The following RUNX2 variants were observed in gnomAD, a reference collection of about 807,000 sequenced individuals.
RUNX2 encodes the protein runt-related transcription factor 2.
In RUNX2, 10 loss-of-function variants were observed where a neutral mutation model predicts 51.7. The ratio of observed to expected loss-of-function variants is 0.19; its 90% CI spans 0.12 to 0.33. The LOEUF (loss-of-function observed/expected upper bound fraction) is 0.33, where lower values mean the gene tolerates loss of function less well. Ranked by LOEUF, RUNX2 falls within the 10% of genes least tolerant of loss-of-function variation. The pLI is 1.00. For missense variants in RUNX2, 562 were observed against 691.3 expected, an observed-to-expected ratio of 0.81 and a Z score of 2.10; for synonymous variants, 276 against 273.6, an observed-to-expected ratio of 1.01 and a Z score of -0.09.
At chr6:45,409,501 G>A (rs1240750598) in intron 2 of RUNX2, among the ~76,000 whole-genome samples, 1 of 152,056 alleles carries the variant, frequency 6.6e-6, no homozygotes, top group African/African-American at 2.4e-5. Flanking sequence ...AATTTTCTAT[G>A]TATATCTAGG....
chr6:45,336,311 T>G (rs780061348), intron 2 of RUNX2, among the ~76,000 whole-genome samples: 2 of 151,402 alleles, frequency 1.3e-5, no homozygotes, highest in Non-Finnish European at 3.0e-5. Flanking sequence ...ACAATATCCC[T>G]CCCTTATAAC....
intron 2 of RUNX2, chr6:45,361,689 G>C (rs1275184312): frequency 6.6e-6 from 1 of 152,172 alleles, no homozygotes; most frequent in Non-Finnish European, 1.5e-5. Flanking sequence ...TATGCACTAG[G>C]TAAGGCACAA....
intron 2 of RUNX2, among the ~76,000 whole-genome samples, chr6:45,344,114 G>C (rs990932461): frequency 6.6e-6 from 1 of 152,130 alleles, no homozygotes; most frequent in Non-Finnish European, 1.5e-5. Flanking sequence ...CTTTTATTCG[G>C]AGAGATAAAA....
intron 2 of RUNX2, among the ~76,000 whole-genome samples, chr6:45,343,232 G>A (rs932497113): frequency 6.6e-5 from 10 of 151,960 alleles, no homozygotes; most frequent in Admixed American, 5.9e-4. Flanking sequence ...AATCTCAGCC[G>A]GGTGCAGTGG....
At chr6:45,388,508 G>A (rs533401585) in intron 2 of RUNX2, among the ~76,000 whole-genome samples, 52 of 152,264 alleles carry the variant, frequency 3.4e-4, no homozygotes, top group Admixed American at 1.6e-3. Flanking sequence ...TCTGGGGGGC[G>A]GAGTTCAGCA....
intron 2 of RUNX2, among the ~76,000 whole-genome samples, chr6:45,388,718 T>C (rs1797411214): frequency 6.6e-6 from 1 of 152,200 alleles, no homozygotes; most frequent in African/African-American, 2.4e-5. Flanking sequence ...ACAATATTGT[T>C]AAGGACTTTT....
chr6:45,501,099 T>A (rs1464317830), intron 6 of RUNX2, among the ~76,000 whole-genome samples: 1 of 152,222 alleles, frequency 6.6e-6, no homozygotes, highest in Non-Finnish European at 1.5e-5. Context: ...CAGCTATTCC[T>A]CATGTGACCG....
At chr6:45,544,346 G>A (rs1802323468) in intron 7 of RUNX2, among the ~76,000 whole-genome samples, 1 of 152,114 alleles carries the variant, frequency 6.6e-6, no homozygotes, top group Non-Finnish European at 1.5e-5. Context: ...AAAAACATCA[G>A]CAAAATGTAT....
At chr6:45,386,213 A>C (rs1456289041) in intron 2 of RUNX2, among the ~76,000 whole-genome samples, 1 of 151,914 alleles carries the variant, frequency 6.6e-6, no homozygotes, top group Non-Finnish European at 1.5e-5. Context: ...GATTATAGGC[A>C]TATGCCACCA....
chr6:45,485,390 CG>C (rs1435168991), intron 5 of RUNX2, among the ~76,000 whole-genome samples: 1 of 151,306 alleles, frequency 6.6e-6, no homozygotes. Context: ...TTAGTAGAAA[CG>C]GGGTTTCTCA....
At chr6:45,398,586 A>G (rs1283739879) in intron 2 of RUNX2, among the ~76,000 whole-genome samples, 5 of 152,210 alleles carry the variant, frequency 3.3e-5, no homozygotes, top group Non-Finnish European at 7.3e-5. Flanking sequence ...CTTGACCACA[A>G]TCTGGCATCA....
chr6:45,410,795 T>G (rs1797934922), intron 2 of RUNX2, among the ~76,000 whole-genome samples: 1 of 152,222 alleles, frequency 6.6e-6, no homozygotes, highest in African/African-American at 2.4e-5. Context: ...CTTGTCTTTC[T>G]TTTCACCTGA....
chr6:45,386,137 G>A (rs1481434778), intron 2 of RUNX2, among the ~76,000 whole-genome samples: 2 of 148,274 alleles, frequency 1.3e-5, no homozygotes, highest in African/African-American at 5.0e-5. Context: ...GAACAATCTC[G>A]GCTCACTGCA....
chr6:45,363,897 CTT>C (rs1794688638), intron 2 of RUNX2, among the ~76,000 whole-genome samples: 1 of 151,744 alleles, frequency 6.6e-6, no homozygotes, highest in South Asian at 2.1e-4. Flanking sequence ...GCATAAATTT[CTT>C]TCTTTTTAAA....
intron 5 of RUNX2, among the ~76,000 whole-genome samples, chr6:45,488,763 G>A (rs1378833764): frequency 2.0e-5 from 3 of 152,152 alleles, no homozygotes; most frequent in African/African-American, 4.8e-5. Context: ...TTTACATAGA[G>A]TCTCAAGTAT....
At chr6:45,354,165 T>C (rs566337336) in intron 2 of RUNX2, among the ~76,000 whole-genome samples, 1 of 152,282 alleles carries the variant, frequency 6.6e-6, no homozygotes, top group African/African-American at 2.4e-5. Flanking sequence ...AATTCCTCTA[T>C]GACTTTCAAA....
chr6:45,515,701 C>CATT (rs967345858), intron 7 of RUNX2, among the ~76,000 whole-genome samples: 13 of 152,030 alleles, frequency 8.6e-5, no homozygotes, highest in Admixed American at 7.9e-4. Context: ...AAATGTTTCC[C>CATT]ATTATTATTA....
At chr6:45,409,348 C>T (rs1003545480) in intron 2 of RUNX2, among the ~76,000 whole-genome samples, 2 of 152,284 alleles carry the variant, frequency 1.3e-5, no homozygotes, top group East Asian at 1.9e-4. Context: ...ACTATAAAAC[C>T]TTCCATTCAG....
chr6:45,542,696 A>G (rs1045221348), intron 7 of RUNX2, among the ~76,000 whole-genome samples: 1 of 152,192 alleles, frequency 6.6e-6, no homozygotes, highest in African/African-American at 2.4e-5. Flanking sequence ...GTATTTTGAG[A>G]TATTTTGAGT....
Sources: allele counts gnomAD v4.1 joint callset (sites outside exome capture counted in the v4.1 genomes callset), GRCh38; gene constraint gnomAD v4.1.1; transcripts MANE v1.5; gene names NCBI Gene and HGNC (gene_info 2026-07-23, HGNC 2026-07-21).